Variants in CMIP observed in about 807,000 individuals in gnomAD.
CMIP encodes the protein c-Maf inducing protein, also known as C-Maf-inducing protein.
CMIP carries 13 observed loss-of-function variants against 97.3 expected under a neutral mutation model. The ratio of observed to expected loss-of-function variants is 0.13; its 90% CI spans 0.09 to 0.21. The LOEUF is 0.21. CMIP is among the 10% of genes least tolerant of loss of function. CMIP has a pLI of 1.00. For synonymous variants in CMIP, 538 were observed against 436.3 expected, an observed-to-expected ratio of 1.23 and a Z score of -2.91; for missense variants, 847 against 1,024.9, an observed-to-expected ratio of 0.83 and a Z score of 2.37.
At chr16:81,611,457 C>T (rs2150947881) in intron 2 of CMIP, 1 of 152,730 alleles carries the variant, frequency 6.5e-6, no homozygotes, top group South Asian at 2.1e-4. Flanking sequence ...GTGCCCCTTC[C>T]CTACCCCAGC....
Position 81,460,937 on chromosome 16 carries a change from C to G in CMIP, c.300+15396C>G, listed in dbSNP as rs1038478147. Among the ~76,000 whole-genome samples, 3 of 152,186 alleles carry G rather than the reference C, an allele frequency of 2.0e-5. 1 individual carries two copies. The highest frequency in any genetic ancestry group is 4.1e-4 in the South Asian group (2 of 4,830). On this transcript the variant is annotated intron_variant, in intron 1 of 20. Transcript: ENST00000537098. ...GCCCTGTTGTATGTGATCGTTATGA[C>G]AATCCTGTGAAGTTTTTCAATGATG...
intron 1 of CMIP, among the ~76,000 whole-genome samples, chr16:81,479,993 C>T (rs945681862): frequency 5.3e-5 from 8 of 152,160 alleles, no homozygotes; most frequent in East Asian, 1.9e-4. Context: ...CAGCCCTGGC[C>T]GCACAATGGG....
chr16:81,554,935 G>A (rs11646612), intron 1 of CMIP, among the ~76,000 whole-genome samples: 3,329 of 152,258 alleles, frequency 0.022, 61 homozygotes, highest in Middle Eastern at 0.082. Flanking sequence ...GTGTCATTGG[G>A]CTGGAAGCTC....
chr16:81,571,571 G>A (rs1185297004), intron 1 of CMIP, among the ~76,000 whole-genome samples: 4 of 121,034 alleles, frequency 3.3e-5, no homozygotes, highest in Non-Finnish European at 4.9e-5. Flanking sequence ...GCAACATAGT[G>A]AGATCTCATC....
Position 81,671,877 on chromosome 16 carries a change from C to G in CMIP, c.930-89C>G, listed in dbSNP as rs546440374. The G allele has an allele frequency of 5.5e-4, 363 of 655,056 alleles. 1 individual carries two copies. The highest frequency in any genetic ancestry group is 1.5e-3 in the Middle Eastern group (4 of 2,664). The allele number at this position is 655,056 out of a possible 1,614,324, so 40.6% of individuals were successfully genotyped here. A position where few individuals can be genotyped will look rare whatever the true frequency, so the allele number is the denominator to read the frequency against. On this transcript the variant is annotated intron_variant, in intron 8 of 20. Coordinates refer to ENST00000537098, the MANE Select transcript of CMIP (RefSeq NM_198390.3). ...CGCTGGCAGAGCGGGCAGCCCCGTG[C>G]CTGAGCAACGCCCTCCCTTTCCCCC...
At chr16:81,657,688 A>C (rs936859377) in intron 4 of CMIP, 87 bp from the exon 5 acceptor site, 2 of 1,164,762 alleles carry the variant, frequency 1.7e-6, no homozygotes, top group East Asian at 2.6e-5. Flanking sequence ...AGATGTTTCA[A>C]AACTGTGGAT....
At chr16:81,582,111 C>CA (rs1375037332) in intron 1 of CMIP, among the ~76,000 whole-genome samples, 4 of 152,118 alleles carry the variant, frequency 2.6e-5, no homozygotes, top group Non-Finnish European at 5.9e-5. Flanking sequence ...AACTCACTAT[C>CA]ACGCCAACAA....
chr16:81,487,114 G>A (rs900816828), intron 1 of CMIP, among the ~76,000 whole-genome samples: 2 of 152,170 alleles, frequency 1.3e-5, no homozygotes, highest in African/African-American at 4.8e-5. Flanking sequence ...CTCTGGTCAT[G>A]GGGGGCCCTG....
At chr16:81,692,026 C>T (rs1338705412) in intron 11 of CMIP, among the ~76,000 whole-genome samples, 186 bp downstream of exon 11, 1 of 152,096 alleles carries the variant, frequency 6.6e-6, no homozygotes, top group African/African-American at 2.4e-5. Context: ...CACATCTTCC[C>T]TCAGAAAAAT....
chr16:81,486,161 A>G (rs2317241), intron 1 of CMIP, among the ~76,000 whole-genome samples: 108,688 of 152,194 alleles, frequency 0.71, 39,005 homozygotes, highest in East Asian at 0.87. Context: ...TCAGACTCAC[A>G]TGAACGGGCT....
chr16:81,610,574 T>A, intron 2 of CMIP: 3 of 979,952 alleles, frequency 3.1e-6, no homozygotes, highest in Non-Finnish European at 3.6e-6. Context: ...CGGCTGTGGT[T>A]CTCTCCCTGG....
intron 1 of CMIP, among the ~76,000 whole-genome samples, chr16:81,472,121 A>G (rs1185444789): frequency 5.9e-5 from 9 of 152,228 alleles, no homozygotes; most frequent in Non-Finnish European, 1.3e-4. Context: ...ATACACATGT[A>G]TGCACGTGCA....
intron 3 of CMIP, among the ~76,000 whole-genome samples, chr16:81,641,473 G>A (rs188742720): frequency 3.3e-5 from 5 of 152,196 alleles, no homozygotes; most frequent in East Asian, 1.9e-4. Flanking sequence ...TTTTGCCCAC[G>A]GTGCAGCTGG....
intron 1 of CMIP, among the ~76,000 whole-genome samples, chr16:81,490,486 G>A (rs1012564935): frequency 6.6e-6 from 1 of 152,152 alleles, no homozygotes; most frequent in African/African-American, 2.4e-5. Context: ...TGAGTGTGGC[G>A]GTGTGTGCCT....
At chr16:81,703,822 C>A in intron 17 of CMIP, 117 bp from the exon 18 acceptor site, 2 of 1,372,414 alleles carry the variant, frequency 1.5e-6, no homozygotes, top group Non-Finnish European at 1.9e-6. Flanking sequence ...GATTTACCGC[C>A]CCCCAGGAAC....
intron 1 of CMIP, among the ~76,000 whole-genome samples, chr16:81,564,109 A>G (rs1232959940): frequency 1.3e-5 from 2 of 152,246 alleles, no homozygotes; most frequent in African/African-American, 2.4e-5. Context: ...GGCAGGTAGG[A>G]CAGAAGCAGG....
chr16:81,547,800 A>G (rs1334149757), intron 1 of CMIP, among the ~76,000 whole-genome samples: 3 of 152,168 alleles, frequency 2.0e-5, no homozygotes, highest in African/African-American at 7.2e-5. Context: ...GTGAGGGGGA[A>G]TTTGGCAGAC....
At chr16:81,667,453 C>G (rs2092616427) in intron 7 of CMIP, among the ~76,000 whole-genome samples, 1 of 152,166 alleles carries the variant, frequency 6.6e-6, no homozygotes, top group African/African-American at 2.4e-5. Context: ...ACCTAACCTC[C>G]AGTTTTCCAA....
intron 1 of CMIP, among the ~76,000 whole-genome samples, chr16:81,487,598 T>G (rs1045330965): frequency 6.6e-6 from 1 of 152,164 alleles, no homozygotes; most frequent in African/African-American, 2.4e-5. Flanking sequence ...CTGGGCTTTG[T>G]GGTCAGAGAG....
Sources: allele counts gnomAD v4.1 joint callset (sites outside exome capture counted in the v4.1 genomes callset), GRCh38; gene constraint gnomAD v4.1.1; transcripts MANE v1.5; gene names NCBI Gene and HGNC (gene_info 2026-07-23, HGNC 2026-07-21).